The following INTS13 variants were observed in gnomAD, a reference collection of about 807,000 sequenced individuals.
INTS13 encodes the protein asunder, spermatogenesis regulator homolog (Drosphila).
A neutral mutation model predicts 90.2 loss-of-function variants in INTS13; 35 were observed. The ratio of observed to expected loss-of-function variants is 0.39; its 90% confidence interval spans 0.30 to 0.51. The LOEUF is 0.51. INTS13 is among the 20% of genes least tolerant of loss of function. The pLI, the probability that INTS13 is intolerant of heterozygous loss-of-function variation, is 0.80. For synonymous variants in INTS13, 309 were observed against 277.1 expected (o/e 1.11, Z -1.14); for missense variants, 601 against 851.2 (o/e 0.71, Z 3.66).
chr12:26,912,530 C>T (rs563987113), intron 14 of INTS13, among the ~76,000 whole-genome samples: 7 of 152,208 alleles, frequency 4.6e-5, no homozygotes, highest in African/African-American at 7.2e-5. Context: ...CCAGAGGATA[C>T]GCTATTTCTA....
At chr12:26,931,482 T>TA (rs968389862) in intron 3 of INTS13, among the ~76,000 whole-genome samples, 1 of 151,490 alleles carries the variant, frequency 6.6e-6, no homozygotes, top group African/African-American at 2.4e-5. Context: ...CAAAAAATAA[T>TA]AAAAACACCT....
rs758881171 is a variant in INTS13 at position 26,917,413 on chromosome 12, C to T, written c.1008G>A (p.Arg336=). Residue 336 remains arginine, a synonymous_variant, in exon 10 of 17, where the codon CGG becomes CGA. Coordinates refer to ENST00000261191, the MANE Select transcript of INTS13 (RefSeq NM_018164.3). ...TACTATTTACATCTACAGGTGAAAT[C>T]CGATAAGCTCCAGTACAATAGTGTA... ...IELHYCTGAY[R]ISPVDVNSRP... 26 of 1,570,712 alleles carry T rather than the reference C, an allele frequency of 1.7e-5. No individual in the cohort carries two copies. The highest frequency in any genetic ancestry group is 2.2e-5 in the Non-Finnish European group (25 of 1,151,398).
chr12:26,917,481 A>G lies in INTS13; in HGVS notation c.980-40T>C, dbSNP rs74389413. On this transcript the variant is annotated intron_variant, in intron 9 of 16. Transcript: ENST00000261191. ...AACACTGATTTGAAAGAATATAAAGAAATATTCCCACAATTAAAAGAAAGA... is the reference window on the plus strand; with the variant it reads ...AACACTGATTTGAAAGAATATAAAGGAATATTCCCACAATTAAAAGAAAGA... 5,879 of 1,296,208 alleles carry G rather than the reference A, an allele frequency of 4.5e-3. 221 individuals are homozygous for G. In the African/African-American group the frequency reaches 0.078, roughly 17 times the overall value. 80.3% of individuals were successfully genotyped at this position (1,296,208 alleles called of 1,614,324 possible).
intron 7 of INTS13, 103 bp downstream of exon 7, chr12:26,924,252 C>G: frequency 1.5e-6 from 2 of 1,317,470 alleles, no homozygotes; most frequent in Non-Finnish European, 2.1e-6. Context: ...CTCAGCCTCC[C>G]AAAGTGCTGG....
chr12:26,928,130 T>C, intron 5 of INTS13, 75 bp downstream of exon 5: 1 of 1,079,866 alleles, frequency 9.3e-7, no homozygotes. Flanking sequence ...ACGCTACCAG[T>C]CAAGTTATTG....
Position 26,911,298 on chromosome 12 carries a change from G to T in INTS13, c.1825C>A (p.Arg609Ser), listed in dbSNP as rs746846722. Residue 609 changes from arginine (R) to serine (S), a missense_variant, in exon 15 of 17, where the codon CGT becomes AGT. Physicochemically the swap from Arg to Ser is moderately radical, Grantham distance 110. This residue lies in a region of INTS13 where 228 missense variants were observed against 272.5 expected (regional missense o/e 0.84). Transcript: ENST00000261191. ...GCTTCAGCCAATTCTTCTTTTCCAC[G>T]CTCTAAGATTCCTTTTAATCTTTTA... is the stretch of plus-strand genomic sequence containing the variant. The part of the protein sequence containing the change: ...DSERLKGILE[R>S]GKEELAEAEI... 4.3e-6 allele frequency: 7 copies of T among 1,611,564 alleles called. No homozygotes were observed. Among genetic ancestry groups the T allele is most frequent in the South Asian group, 3.3e-5 (3 of 90,448 alleles).
chr12:26,913,585 T>C lies in INTS13; in HGVS notation c.1677A>G (p.Ala559=). ...KHQRVLECLM[A]CRSKPPEEEE... ...CCTCTTCTGGGGGTTTGCTCCTGCA[T>C]GCCATCAGACATTCCAAGACTCTTT... is the stretch of plus-strand genomic sequence containing the variant. Residue 559 remains alanine (A), a synonymous_variant, in exon 14 of 17, where the codon GCA becomes GCG. Coordinates refer to ENST00000261191, the MANE Select transcript of INTS13 (RefSeq NM_018164.3). 6.2e-7 allele frequency: 1 copy of C among 1,614,142 alleles called. No individual in the cohort carries two copies. The highest frequency in any genetic ancestry group is 1.3e-5 in the African/African-American group (1 of 75,074).
chr12:26,914,051 G>A lies in INTS13; in HGVS notation c.1497C>T (p.Tyr499=), dbSNP rs771233059. The A allele has an allele frequency of 1.9e-5, 31 of 1,611,096 alleles. No individual in the cohort carries two copies. The highest frequency in any genetic ancestry group is 2.6e-5 in the Non-Finnish European group (31 of 1,178,670). The part of the protein sequence containing the change: ...EDVLNCQKTI[Y]NLVDMERKND... Reference sequence around the variant, plus strand: ...TTTTTCTTTCCATATCAACTAAGTTGTATATTGTTTTTTGACAGTTTAACA... The same window carrying A: ...TTTTTCTTTCCATATCAACTAAGTTATATATTGTTTTTTGACAGTTTAACA... The change falls in exon 13 of 17, where the codon TAC becomes TAT. Residue 499 remains tyrosine (Y), a synonymous_variant. Coordinates refer to ENST00000261191, the MANE Select transcript of INTS13 (RefSeq NM_018164.3).
In INTS13 at chr12:26,928,777, A is replaced by C. The variant is rs758436118; in HGVS notation, c.429T>G (p.Ala143=). The C allele has an allele frequency of 6.2e-7, 1 of 1,614,164 alleles. No individual in the cohort carries two copies. Among genetic ancestry groups the C allele is most frequent in the Non-Finnish European group, 8.5e-7 (1 of 1,180,034 alleles). ...CTGCATTCTCCATGAGTAGAGTACG[A>C]GCCTCATGTTGGTATTCAGTAATTT... is the stretch of plus-strand genomic sequence containing the variant. ...LCKITEYQHE[A]RTLLMENAER... Residue 143 remains alanine, a synonymous_variant, in exon 4 of 17, where the codon GCT becomes GCG. Transcript: ENST00000261191.
chr12:26,917,339 T>C lies in INTS13; in HGVS notation c.1069+13A>G. On this transcript the variant is annotated intron_variant, in intron 10 of 16. Transcript: ENST00000261191. ...AATAATTTCAGTCAAAACCATTAAATAATTAAAGTTACCATTTAGAAGAAA... is the reference window on the plus strand; with the variant it reads ...AATAATTTCAGTCAAAACCATTAAACAATTAAAGTTACCATTTAGAAGAAA... 3 of 1,112,850 alleles carry C rather than the reference T, an allele frequency of 2.7e-6. No individual in the cohort carries two copies. Among genetic ancestry groups the C allele is most frequent in the Non-Finnish European group, 3.8e-6 (3 of 782,422 alleles). The allele number at this position is 1,112,850 out of a possible 1,614,324, so 68.9% of individuals were successfully genotyped here.
intron 3 of INTS13, among the ~76,000 whole-genome samples, chr12:26,930,043 C>G (rs1452406688): frequency 1.3e-5 from 2 of 151,928 alleles, no homozygotes; most frequent in Non-Finnish European, 2.9e-5. Flanking sequence ...AATCTGAAGA[C>G]TAAATTTTTT....
chr12:26,914,477 A>G lies in INTS13; in HGVS notation c.1350T>C (p.Asp450=). Residue 450 remains aspartate, a synonymous_variant, in exon 12 of 17, where the codon GAT becomes GAC. Transcript: ENST00000261191. ...SLEVPLERAK[D]QLEKHTRYWP... is the part of the protein sequence containing the mutation. ...AGTAACGGGTATGTTTTTCTAACTG[A>G]TCTTTTGCTCGTTCCAAAGGGACCT... 6.2e-7 allele frequency: 1 copy of G among 1,613,944 alleles called. No homozygotes were observed. Among genetic ancestry groups the G allele is most frequent in the Admixed American group, 1.7e-5 (1 of 60,020 alleles).
At chr12:26,921,283 G>GA (rs1027898218) in intron 8 of INTS13, among the ~76,000 whole-genome samples, 1 of 151,896 alleles carries the variant, frequency 6.6e-6, no homozygotes, top group African/African-American at 2.4e-5. Flanking sequence ...ATTTTTAGAG[G>GA]AAAAAAAACT....
At chr12:26,929,711 G>C (rs748680102) in intron 3 of INTS13, among the ~76,000 whole-genome samples, 85 of 149,386 alleles carry the variant, frequency 5.7e-4, no homozygotes, top group Non-Finnish European at 1.2e-3. Flanking sequence ...AGACAAGAAA[G>C]ACAGAAAGAC....
chr12:26,908,153 G>C (rs759471986), intron 15 of INTS13, among the ~76,000 whole-genome samples: 1 of 152,190 alleles, frequency 6.6e-6, no homozygotes, highest in Admixed American at 6.5e-5. Flanking sequence ...TATAGGAAGA[G>C]AAAACATATC....
At chr12:26,909,454 G>T (rs983757477) in intron 15 of INTS13, among the ~76,000 whole-genome samples, 1 of 148,532 alleles carries the variant, frequency 6.7e-6, no homozygotes, top group African/African-American at 2.5e-5. Flanking sequence ...TGCAATTTTT[G>T]CCAGTATAGA....
intron 10 of INTS13, among the ~76,000 whole-genome samples, chr12:26,916,995 A>T (rs1951953753): frequency 6.6e-6 from 1 of 152,164 alleles, no homozygotes; most frequent in Non-Finnish European, 1.5e-5. Context: ...CTTCTATTTA[A>T]TTCTTCAAAT....
intron 6 of INTS13, 85 bp downstream of exon 6, chr12:26,925,676 C>T: frequency 9.1e-7 from 1 of 1,101,214 alleles, no homozygotes; most frequent in Non-Finnish European, 1.3e-6. Context: ...AAAATATTGG[C>T]AATGGATCAT....
chr12:26,929,488 A>G lies in INTS13; in HGVS notation c.301-583T>C, dbSNP rs7298914. ...GTAATCCCAGTACTTTGGGAAGCCA[A>G]GGCAGGACAATTGCTCGAGGCCAAG... On this transcript the variant is annotated intron_variant, in intron 3 of 16. Coordinates refer to ENST00000261191, the MANE Select transcript of INTS13 (RefSeq NM_018164.3). Among the ~76,000 whole-genome samples, 424 of 152,234 alleles carry G rather than the reference A, an allele frequency of 2.8e-3. 2 individuals are homozygous for G. The highest frequency in any genetic ancestry group is 1.0e-2 in the African/African-American group (415 of 41,546).
Sources: allele counts gnomAD v4.1 joint callset (sites outside exome capture counted in the v4.1 genomes callset), GRCh38; gene constraint gnomAD v4.1.1; regional missense constraint gnomAD v4.1.1; transcripts MANE v1.5; gene names NCBI Gene and HGNC (gene_info 2026-07-23, HGNC 2026-07-21).